Variants in SNTG1 observed in about 807,000 individuals in gnomAD.
SNTG1 encodes the protein gamma-1-syntrophin.
In SNTG1, 39 loss-of-function variants were observed where a neutral mutation model predicts 74.7. The ratio of observed to expected loss-of-function variants is 0.52; its 90% confidence interval spans 0.40 to 0.68. SNTG1 has a LOEUF of 0.68. Among genes scored for constraint, SNTG1 ranks in the 30% least tolerant of loss-of-function variants. The pLI is 0.00. For missense variants in SNTG1, 685 were observed against 609.5 expected (o/e 1.12, Z -1.30); for synonymous variants, 254 against 217.1 (o/e 1.17, Z -1.49).
intron 12 of SNTG1, among the ~76,000 whole-genome samples, chr8:50,585,018 G>A (rs1331315839): frequency 6.6e-6 from 1 of 152,114 alleles, no homozygotes; most frequent in Non-Finnish European, 1.5e-5. Flanking sequence ...GCAGGCATTG[G>A]CTCTGGGTCA....
chr8:50,277,264 CAAAAAAAA>C (rs11361478), intron 2 of SNTG1, among the ~76,000 whole-genome samples: 1 of 95,164 alleles, frequency 1.1e-5, no homozygotes, highest in African/African-American at 4.7e-5. Context: ...AAGACCCTGC[CAAAAAAAA>C]AAAAAAAAAA....
intron 18 of SNTG1, among the ~76,000 whole-genome samples, chr8:50,791,145 G>A (rs574743796): frequency 2.6e-5 from 4 of 151,956 alleles, no homozygotes; most frequent in Admixed American, 1.3e-4. Flanking sequence ...GAAATAAACT[G>A]GCTACACCAA....
intron 1 of SNTG1, among the ~76,000 whole-genome samples, chr8:49,917,956 C>A (rs901814603): frequency 2.0e-5 from 3 of 149,698 alleles, no homozygotes; most frequent in Admixed American, 2.0e-4. Flanking sequence ...TTTTGCTTTA[C>A]CTAATTTCAT....
chr8:50,765,149 G>A (rs1418404104), intron 18 of SNTG1, among the ~76,000 whole-genome samples: 4 of 152,006 alleles, frequency 2.6e-5, no homozygotes, highest in African/African-American at 9.7e-5. Flanking sequence ...TGTTTTGTTA[G>A]ACTAGAGTAA....
At chr8:50,040,373 AT>A (rs1179942708) in intron 1 of SNTG1, among the ~76,000 whole-genome samples, 4 of 152,048 alleles carry the variant, frequency 2.6e-5, no homozygotes, top group African/African-American at 9.7e-5. Context: ...TAGCGTGCTT[AT>A]TTTTTCTATC....
At chr8:50,200,874 T>C (rs2131840131) in intron 2 of SNTG1, among the ~76,000 whole-genome samples, 1 of 152,206 alleles carries the variant, frequency 6.6e-6, no homozygotes, top group Admixed American at 6.5e-5. Context: ...AAGAATAAAT[T>C]TGATGTAAAT....
rs1484017596 is a variant in SNTG1, at chr8:50,794,771, A to T, written c.*1942A>T. 1 of 152,044 alleles carries T rather than the reference A, an allele frequency of 6.6e-6. No homozygotes were observed. The highest frequency in any genetic ancestry group is 1.9e-4 in the East Asian group (1 of 5,178). 9.4% of individuals were successfully genotyped at this position (152,044 alleles called of 1,614,324 possible). On this transcript the variant is annotated 3_prime_UTR_variant, in exon 19 of 19. Transcript: ENST00000642720. ...ATTGGGGTTACATGAATGTGTCCAC[A>T]ATCTGGAAGGCAATATGACATGGGC...
intron 2 of SNTG1, among the ~76,000 whole-genome samples, chr8:50,316,806 C>T (rs997984681): frequency 3.3e-5 from 5 of 152,126 alleles, no homozygotes; most frequent in African/African-American, 1.2e-4. Flanking sequence ...ACATATTGAA[C>T]AACCACTATG....
At chr8:50,641,288 C>T (rs2095071231) in intron 13 of SNTG1, among the ~76,000 whole-genome samples, 1 of 152,196 alleles carries the variant, frequency 6.6e-6, no homozygotes, top group Admixed American at 6.5e-5. Flanking sequence ...GTCCTCATCC[C>T]CATTCTCAAA....
chr8:50,189,921 C>T (rs187756990), intron 2 of SNTG1, among the ~76,000 whole-genome samples: 1 of 152,212 alleles, frequency 6.6e-6, no homozygotes, highest in East Asian at 1.9e-4. Flanking sequence ...AAATTCTGAT[C>T]TAAGTTAATT....
intron 9 of SNTG1, among the ~76,000 whole-genome samples, chr8:50,509,528 T>C (rs1397152624): frequency 2.0e-5 from 3 of 152,206 alleles, no homozygotes. Flanking sequence ...TTTCACGATA[T>C]TGATTCTTCC....
chr8:50,141,167 T>C (rs530584594), intron 1 of SNTG1, among the ~76,000 whole-genome samples: 2 of 152,344 alleles, frequency 1.3e-5, no homozygotes, highest in South Asian at 4.1e-4. Context: ...GGTCTTCCTA[T>C]GAATGTCTCT....
At chr8:50,693,292 A>G (rs10092133) in intron 15 of SNTG1, among the ~76,000 whole-genome samples, 85,665 of 151,964 alleles carry the variant, frequency 0.56, 26,249 homozygotes, top group East Asian at 0.68. Context: ...CCCCAGTGAG[A>G]TGAACCTGGT....
At chr8:50,506,476 G>A (rs1304440465) in intron 9 of SNTG1, among the ~76,000 whole-genome samples, 5 of 152,026 alleles carry the variant, frequency 3.3e-5, no homozygotes, top group African/African-American at 1.2e-4. Flanking sequence ...CAGTGTATCA[G>A]CATGGGATGT....
chr8:50,039,187 G>A (rs1818409935), intron 1 of SNTG1, among the ~76,000 whole-genome samples: 1 of 152,070 alleles, frequency 6.6e-6, no homozygotes, highest in Non-Finnish European at 1.5e-5. Flanking sequence ...TGGGCGTGGT[G>A]GCTCATGCCT....
intron 2 of SNTG1, among the ~76,000 whole-genome samples, chr8:50,319,832 G>T (rs557891926): frequency 1.3e-3 from 194 of 152,194 alleles, no homozygotes; most frequent in Admixed American, 2.5e-3. Context: ...CATATTAATT[G>T]ATTTGCATAT....
rs536136001 is a variant in SNTG1, at chr8:50,115,374, C to T, written c.-102-57187C>T. 4.6e-5 allele frequency among the ~76,000 whole-genome samples: 7 copies of T among 151,914 alleles called. No individual in the cohort carries two copies. The South Asian group carries it at 1.0e-3, about 23-fold the overall frequency. On this transcript the variant is annotated intron_variant, in intron 1 of 18. Transcript: ENST00000642720. Reference sequence around the variant, plus strand: ...CTGAGGTCAGGAGTTCAAGATCAGCCTGGCTAACATGGTGAAACCCCGTCT... The same window carrying T: ...CTGAGGTCAGGAGTTCAAGATCAGCTTGGCTAACATGGTGAAACCCCGTCT...
chr8:50,663,703 C>T (rs1376899411), intron 15 of SNTG1, among the ~76,000 whole-genome samples: 5 of 152,172 alleles, frequency 3.3e-5, no homozygotes, highest in Non-Finnish European at 7.3e-5. Flanking sequence ...ATTGTTATGT[C>T]ATATTTTCTT....
chr8:50,669,880 G>A (rs1387350122), intron 15 of SNTG1, among the ~76,000 whole-genome samples: 2 of 152,122 alleles, frequency 1.3e-5, no homozygotes, highest in Admixed American at 1.3e-4. Flanking sequence ...TGCAAGGCTG[G>A]TTCAATATAG....
Sources: allele counts gnomAD v4.1 joint callset (sites outside exome capture counted in the v4.1 genomes callset), GRCh38; gene constraint gnomAD v4.1.1; transcripts MANE v1.5; gene names NCBI Gene and HGNC (gene_info 2026-07-23, HGNC 2026-07-21).